The following ARL17A variants were observed in gnomAD, a reference collection of about 807,000 sequenced individuals.
The protein encoded by ARL17A is ADP-ribosylation factor-like 17-like.
intron 3 of ARL17A, chr17:46,540,289 GCT>G (rs2055082232): frequency 6.8e-6 from 8 of 1,170,220 alleles, no homozygotes; most frequent in Admixed American, 3.0e-5. Flanking sequence ...GATGATTTAT[GCT>G]TTTTAAATTT....
downstream of ARL17A, chr17:46,548,936 C>G (rs780524421): frequency 6.2e-7 from 1 of 1,612,422 alleles, no homozygotes; most frequent in Non-Finnish European, 8.5e-7. Context: ...AAAGCCCTAC[C>G]ACAGGTGAGA....
intron 3 of ARL17A, among the ~76,000 whole-genome samples, chr17:46,543,089 ATCTG>A (rs1489478864): frequency 1.3e-5 from 2 of 149,816 alleles, no homozygotes; most frequent in Admixed American, 6.6e-5. Flanking sequence ...GATAGTGAGG[ATCTG>A]TCTGCTTTTT....
chr17:46,539,768 C>CAGAAAAAA (rs2054947182), intron 3 of ARL17A, among the ~76,000 whole-genome samples: 2 of 67,036 alleles, frequency 3.0e-5, no homozygotes, highest in East Asian at 7.1e-4. Flanking sequence ...GACTCCATCT[C>CAGAAAAAA]AAAAAAAAAA....
chr17:46,540,598 TA>T (rs537940033), intron 3 of ARL17A, among the ~76,000 whole-genome samples: 9,402 of 118,384 alleles, frequency 0.079, 3 homozygotes, highest in Middle Eastern at 0.14. Context: ...AAGATAATGG[TA>T]AAAAAAAAAA....
At chr17:46,503,403 T>G in the ARL17A span, among the ~76,000 whole-genome samples, 3 of 147,154 alleles carry the variant, frequency 2.0e-5, no homozygotes, top group Middle Eastern at 3.5e-3. Flanking sequence ...TAAGATATGT[T>G]TTCCTCTGGC....
chr17:46,551,038 T>TG (rs2056748658), downstream of ARL17A, among the ~76,000 whole-genome samples: 1 of 149,928 alleles, frequency 6.7e-6, no homozygotes, highest in African/African-American at 2.5e-5. Flanking sequence ...AGAGTAGCCA[T>TG]CTTTTACAAA....
downstream of ARL17A, among the ~76,000 whole-genome samples, chr17:46,551,173 C>CAA (rs2056770722): frequency 6.7e-6 from 1 of 149,308 alleles, no homozygotes; most frequent in South Asian, 2.1e-4. Flanking sequence ...CATTCCCCCT[C>CAA]AGATTAGAGA....
At chr17:46,525,751 C>T (rs1406486583), downstream of ARL17A, among the ~76,000 whole-genome samples, 1 of 93,556 alleles carries the variant, frequency 1.1e-5, no homozygotes, top group African/African-American at 4.4e-5. Flanking sequence ...GTGTCATGTC[C>T]ATTTGTGCCA....
At chr17:46,502,553 C>A in the ARL17A span, among the ~76,000 whole-genome samples, 1 of 151,124 alleles carries the variant, frequency 6.6e-6, no homozygotes, top group Non-Finnish European at 1.5e-5. Flanking sequence ...CTGCCCACCT[C>A]AGCCTCCCAA....
downstream of ARL17A, among the ~76,000 whole-genome samples, chr17:46,551,424 C>G (rs1431780026): frequency 6.7e-6 from 1 of 149,778 alleles, no homozygotes; most frequent in African/African-American, 2.6e-5. Flanking sequence ...TTGTGGCAGC[C>G]CTCCATTCCA....
chr17:46,575,286 G>GAA (rs1440020233), intron 2 of ARL17A, among the ~76,000 whole-genome samples: 7 of 146,630 alleles, frequency 4.8e-5, no homozygotes, highest in Non-Finnish European at 1.1e-4. Context: ...TAACAAGCCG[G>GAA]TAAAACACAG....
At chr17:46,541,824 TAA>T (rs1282630499) in intron 3 of ARL17A, among the ~76,000 whole-genome samples, 1 of 151,116 alleles carries the variant, frequency 6.6e-6, no homozygotes. Context: ...TGTCATTTCA[TAA>T]AAAAGAACTC....
At chr17:46,545,474 GTAAT>G (rs1170298005) in intron 3 of ARL17A, among the ~76,000 whole-genome samples, 1 of 114,360 alleles carries the variant, frequency 8.7e-6, no homozygotes, top group Non-Finnish European at 1.7e-5. Flanking sequence ...TTTCCCCTTG[GTAAT>G]TAATAAATAA....
At chr17:46,575,139 T>C (rs1461433252) in intron 2 of ARL17A, among the ~76,000 whole-genome samples, 2 of 105,774 alleles carry the variant, frequency 1.9e-5, no homozygotes, top group African/African-American at 6.3e-5. Flanking sequence ...GTCCTGTGCC[T>C]AATTCAATAT....
intron 3 of ARL17A, among the ~76,000 whole-genome samples, chr17:46,545,210 T>C (rs2056093991): frequency 7.3e-6 from 1 of 136,820 alleles, no homozygotes; most frequent in Admixed American, 7.1e-5. Flanking sequence ...GGTGGGAGGA[T>C]TGCTTGAGCC....
At chr17:46,546,972 A>G (rs1187302917) in intron 3 of ARL17A, among the ~76,000 whole-genome samples, 31 of 7,152 alleles carry the variant, frequency 4.3e-3, no homozygotes, top group Non-Finnish European at 2.1e-3. Context: ...TGTTCACAGA[A>G]CAAACGCTCA....
In ARL17A at chr17:46,530,477, AG is replaced by A. The variant is rs2053533426; in HGVS notation, c.336-1619del. 2.2e-5 allele frequency among the ~76,000 whole-genome samples: 3 copies of A among 134,604 alleles called. No individual in the cohort carries two copies. The South Asian group carries it at 7.1e-4, about 32-fold the overall frequency. The allele number at this position is 134,604 out of a possible 152,430, so 88.3% of individuals were successfully genotyped here. ...GGAAAGAGGAGGGGGATCACAAGGC[AG>A]GACAAGCTGTGTGGCTCCCAGCCTC... is the stretch of plus-strand genomic sequence containing the variant. On this transcript the variant is annotated intron_variant, in intron 4 of 4. Transcript: ENST00000329240.
intron 3 of ARL17A, among the ~76,000 whole-genome samples, chr17:46,545,349 G>A (rs944448877): frequency 1.4e-5 from 2 of 140,896 alleles, no homozygotes; most frequent in Admixed American, 1.4e-4. Flanking sequence ...TACTCAGGAG[G>A]CTGAATTTGG....
At chr17:46,545,285 CAA>C (rs71277059) in intron 3 of ARL17A, among the ~76,000 whole-genome samples, 26 of 116,506 alleles carry the variant, frequency 2.2e-4, no homozygotes, top group African/African-American at 8.6e-4. Context: ...TACAAAAGTA[CAA>C]AAAAAAAAAA....
Sources: allele counts gnomAD v4.1 joint callset (sites outside exome capture counted in the v4.1 genomes callset), GRCh38; gene constraint gnomAD v4.1.1; transcripts MANE v1.5; gene names NCBI Gene and HGNC (gene_info 2026-07-23, HGNC 2026-07-21).